Variants in CARMIL1 observed in about 807,000 individuals in gnomAD.
CARMIL1 encodes capping protein regulator and myosin 1 linker 1.
Under a neutral mutation model 177.1 loss-of-function variants are expected in CARMIL1, and 90 were observed. The ratio of observed to expected loss-of-function variants is 0.51; its 90% CI spans 0.43 to 0.61. CARMIL1 has a LOEUF of 0.61. CARMIL1 is among the 20% of genes least tolerant of loss of function. CARMIL1 has a pLI of 0.00. For synonymous variants in CARMIL1, 577 were observed against 606.2 expected, an observed-to-expected ratio of 0.95 and a Z score of 0.71; for missense variants, 1,380 against 1,667.0, an observed-to-expected ratio of 0.83 and a Z score of 3.00.
At chr6:25,492,353 G>A (rs1803325744) in intron 15 of CARMIL1, among the ~76,000 whole-genome samples, 1 of 152,228 alleles carries the variant, frequency 6.6e-6, no homozygotes, top group African/African-American at 2.4e-5. Flanking sequence ...GAGCTTGGAT[G>A]TAGGTATAAA....
At chr6:25,286,541 T>G (rs140620795) in intron 2 of CARMIL1, among the ~76,000 whole-genome samples, 1 of 152,376 alleles carries the variant, frequency 6.6e-6, no homozygotes, top group East Asian at 1.9e-4. Context: ...TTTCTTGATG[T>G]TGTTCAACAA....
At chr6:25,392,089 T>C (rs1312032196) in intron 2 of CARMIL1, among the ~76,000 whole-genome samples, 2 of 131,616 alleles carry the variant, frequency 1.5e-5, no homozygotes, top group Non-Finnish European at 3.4e-5. Context: ...TGTGTGTGTG[T>C]GTGTGTGTGT....
intron 23 of CARMIL1, among the ~76,000 whole-genome samples, chr6:25,526,456 T>C (rs1456868714): frequency 6.6e-6 from 1 of 151,928 alleles, no homozygotes; most frequent in Non-Finnish European, 1.5e-5. Flanking sequence ...TATTGGTTTC[T>C]TTTCTCTCCC....
In CARMIL1 at chr6:25,538,919, GGTCCTCCATAAAATCTCTAAACA is replaced by G. The variant is rs1282094642; in HGVS notation, c.2196+939_2196+961del. On this transcript the variant is annotated intron_variant, in intron 25 of 36. Coordinates refer to ENST00000329474, the MANE Select transcript of CARMIL1 (RefSeq NM_017640.6). ...TTTAATCAGTCGTGTCTATGTAATG[GGTCCTCCATAAAATCTCTAAACA>G]GTAGGCTTCAGAGAACTTTTGGGTT... Among the ~76,000 whole-genome samples the G allele has an allele frequency of 3.3e-5, 5 of 151,926 alleles. No individual in the cohort carries two copies. In the East Asian group the frequency reaches 7.7e-4, roughly 24 times the overall value.
intron 2 of CARMIL1, among the ~76,000 whole-genome samples, chr6:25,365,820 G>A (rs1789726481): frequency 6.6e-6 from 1 of 152,164 alleles, no homozygotes; most frequent in Non-Finnish European, 1.5e-5. Context: ...CAAAATGCTA[G>A]GATTACAGGT....
intron 8 of CARMIL1, among the ~76,000 whole-genome samples, chr6:25,465,195 T>C (rs961092927): frequency 6.6e-6 from 1 of 151,872 alleles, no homozygotes; most frequent in Non-Finnish European, 1.5e-5. Flanking sequence ...CTCCTCTGAC[T>C]AGAGAATACT....
rs577624809 is a variant in CARMIL1 at position 25,470,021 on chromosome 6, A to T, written c.691-1148A>T. Reference sequence around the variant, plus strand: ...ACTGTCCCCTGAAAATTTTGTTATAAGTTACTCATTTTAATTGTTGTAATC... The same window carrying T: ...ACTGTCCCCTGAAAATTTTGTTATATGTTACTCATTTTAATTGTTGTAATC... On this transcript the variant is annotated intron_variant, in intron 9 of 36. Coordinates refer to ENST00000329474, the MANE Select transcript of CARMIL1 (RefSeq NM_017640.6). Among the ~76,000 whole-genome samples, 6 of 152,306 alleles carry T rather than the reference A, an allele frequency of 3.9e-5. 1 individual carries two copies. The highest frequency in any genetic ancestry group is 4.1e-4 in the South Asian group (2 of 4,826).
intron 29 of CARMIL1, chr6:25,563,438 C>CACA: frequency 1.1e-5 from 11 of 985,260 alleles, no homozygotes; most frequent in Non-Finnish European, 1.3e-5. Flanking sequence ...GAGAACCTGC[C>CACA]TAAAGAGGAA....
At chr6:25,487,183 C>CT (rs958403095) in intron 12 of CARMIL1, among the ~76,000 whole-genome samples, 3 of 152,148 alleles carry the variant, frequency 2.0e-5, no homozygotes, top group Admixed American at 2.0e-4. Context: ...AGACAATGGC[C>CT]TCTTTATCAG....
intron 28 of CARMIL1, among the ~76,000 whole-genome samples, chr6:25,555,314 A>G (rs1269198960): frequency 1.3e-5 from 2 of 152,214 alleles, no homozygotes; most frequent in East Asian, 3.8e-4. Flanking sequence ...CACAGTAAAG[A>G]GCTACATGAT....
chr6:25,421,406 G>A (rs1220754758), intron 3 of CARMIL1, among the ~76,000 whole-genome samples: 3 of 151,940 alleles, frequency 2.0e-5, no homozygotes, highest in Non-Finnish European at 4.4e-5. Flanking sequence ...AGAAATAGGA[G>A]CACTTTTACA....
At chr6:25,525,096 TCACAACAGAC>T (rs1384902220) in intron 23 of CARMIL1, among the ~76,000 whole-genome samples, 1 of 151,968 alleles carries the variant, frequency 6.6e-6, no homozygotes, top group Non-Finnish European at 1.5e-5. Flanking sequence ...TTTCTGAAAT[TCACAACAGAC>T]ACTAAACCAC....
At chr6:25,435,900 T>G (rs1157720143) in intron 5 of CARMIL1, among the ~76,000 whole-genome samples, 1 of 152,040 alleles carries the variant, frequency 6.6e-6, no homozygotes. Flanking sequence ...TTTACAGGAG[T>G]GTGAATATTA....
At chr6:25,618,887 G>A (rs190520580) in intron 36 of CARMIL1, among the ~76,000 whole-genome samples, 96 of 152,304 alleles carry the variant, frequency 6.3e-4, no homozygotes, top group African/African-American at 2.3e-3. Context: ...TTCCTAGAGG[G>A]TGAAACTGAG....
At chr6:25,303,141 A>G (rs1782999007) in intron 2 of CARMIL1, among the ~76,000 whole-genome samples, 1 of 144,782 alleles carries the variant, frequency 6.9e-6, no homozygotes, top group African/African-American at 2.6e-5. Flanking sequence ...TTTTTTTTCC[A>G]TTGTGAGAGT....
At position 25,426,938 on chromosome 6, in the gene CARMIL1, TA is replaced by T. The variant is rs916610403; in HGVS notation, c.249+385del. Among the ~76,000 whole-genome samples, 73 of 152,182 alleles carry T rather than the reference TA, an allele frequency of 4.8e-4. 1 individual carries two copies. The highest frequency in any genetic ancestry group is 2.0e-3 in the Admixed American group (31 of 15,282). ...TTTTGGATTTATTAAAATGCTGATT[TA>T]AAAAAATAGCTTTATTGGGCTATAA... On this transcript the variant is annotated intron_variant, in intron 4 of 36. Coordinates refer to ENST00000329474, the MANE Select transcript of CARMIL1 (RefSeq NM_017640.6).
intron 36 of CARMIL1, among the ~76,000 whole-genome samples, chr6:25,611,531 G>A (rs568594778): frequency 1.6e-3 from 242 of 152,244 alleles, no homozygotes; most frequent in African/African-American, 5.1e-3. Context: ...TGCAACTGCT[G>A]ACTTTACATC....
chr6:25,387,805 A>C (rs1177427718), intron 2 of CARMIL1, among the ~76,000 whole-genome samples: 1 of 152,230 alleles, frequency 6.6e-6, no homozygotes, highest in Non-Finnish European at 1.5e-5. Context: ...TTTCAGTAGA[A>C]GACTGAGGCC....
At chr6:25,433,385 G>C (rs1796974645) in intron 4 of CARMIL1, among the ~76,000 whole-genome samples, 1 of 152,230 alleles carries the variant, frequency 6.6e-6, no homozygotes, top group Non-Finnish European at 1.5e-5. Flanking sequence ...ATGGTGGGAA[G>C]GTTGGGAGTA....
Sources: allele counts gnomAD v4.1 joint callset (sites outside exome capture counted in the v4.1 genomes callset), GRCh38; gene constraint gnomAD v4.1.1; transcripts MANE v1.5; gene names NCBI Gene and HGNC (gene_info 2026-07-23, HGNC 2026-07-21).